The following PLSCR5 variants were observed in gnomAD, a reference collection of about 807,000 sequenced individuals.
PLSCR5 encodes phospholipid scramblase family, member 5.
Under a neutral mutation model 33.6 loss-of-function variants are expected in PLSCR5, and 44 were observed. The observed-to-expected ratio is 1.31, with a 90% CI of 1.03 to 1.69. PLSCR5 has a LOEUF of 1.69. Ranked by LOEUF, PLSCR5 falls within the 40% of genes most tolerant of loss-of-function variation. PLSCR5 has a pLI of 0.00. For missense variants in PLSCR5, 375 were observed against 318.7 expected (o/e 1.18, Z -1.34); for synonymous variants, 148 against 112.3 (o/e 1.32, Z -2.01).
At chr3:146,603,906 CTA>C (rs1262301609) in intron 1 of PLSCR5, among the ~76,000 whole-genome samples, 5 of 152,006 alleles carry the variant, frequency 3.3e-5, no homozygotes, top group Admixed American at 3.3e-4. Flanking sequence ...TATTTCACAT[CTA>C]TGTTTTACAA....
intron 3 of PLSCR5, among the ~76,000 whole-genome samples, chr3:146,594,378 T>G (rs2044741470): frequency 1.3e-5 from 2 of 152,116 alleles, no homozygotes; most frequent in Non-Finnish European, 2.9e-5. Flanking sequence ...ATATATGACC[T>G]ACTTGAGAAC....
intron 6 of PLSCR5, among the ~76,000 whole-genome samples, chr3:146,589,267 A>G (rs988775144): frequency 6.6e-5 from 10 of 152,200 alleles, no homozygotes; most frequent in African/African-American, 2.4e-4. Context: ...GCTCACTATT[A>G]TGCAATGAAC....
At chr3:146,600,720 A>G (rs2044806178) in intron 1 of PLSCR5, among the ~76,000 whole-genome samples, 1 of 151,314 alleles carries the variant, frequency 6.6e-6, no homozygotes, top group Non-Finnish European at 1.5e-5. Context: ...TTAGAAAAAA[A>G]TATGCATATG....
chr3:146,593,937 G>A lies in PLSCR5; in HGVS notation c.436C>T (p.Pro146Ser). 2 of 1,613,506 alleles carry A rather than the reference G, an allele frequency of 1.2e-6. No individual in the cohort carries two copies. Among genetic ancestry groups the A allele is most frequent in the Non-Finnish European group, 1.7e-6 (2 of 1,179,606 alleles). Residue 146 changes from proline (P) to serine (S), a missense_variant, in exon 4 of 8, where the codon CCT becomes TCT. Transcript: ENST00000443512. ...RPLRCNSCWC[P>S]CYLQELEIQA... ...TAACTAACCTCTTGTAGGTAGCAAG[G>A]GCACCAGCAGCTGTTACATCTCAAG...
rs942065853 is a variant in PLSCR5, at chr3:146,589,098, A to T, written c.777+555T>A. Among the ~76,000 whole-genome samples, 7 of 152,198 alleles carry T rather than the reference A, an allele frequency of 4.6e-5. 1 individual carries two copies. Among genetic ancestry groups the T allele is most frequent in the African/African-American group, 1.7e-4 (7 of 41,438 alleles). On this transcript the variant is annotated intron_variant, in intron 6 of 7. Transcript: ENST00000443512. ...CTGTTCTTCTATCACCAATCTCCAT[A>T]TACCAAAGAAGAAAAGGTTTTCAAT...
chr3:146,599,852 T>G (rs1325228471), intron 2 of PLSCR5, among the ~76,000 whole-genome samples: 1 of 151,960 alleles, frequency 6.6e-6, no homozygotes, highest in Non-Finnish European at 1.5e-5. Context: ...ATAATTTTTA[T>G]AGAGACAGGG....
chr3:146,600,229 A>T, intron 2 of PLSCR5, 59 bp downstream of exon 2: 2 of 1,214,388 alleles, frequency 1.6e-6, no homozygotes, highest in Non-Finnish European at 2.1e-6. Context: ...AGCCAGAAAG[A>T]AAGTTTGTAT....
At position 146,591,745 on chromosome 3, in the gene PLSCR5, C is replaced by T. The variant is rs749170196; in HGVS notation, c.590G>A (p.Gly197Asp). The T allele has an allele frequency of 1.9e-6, 3 of 1,611,148 alleles. No homozygotes were observed. The highest frequency in any genetic ancestry group is 1.7e-4 in the Middle Eastern group (1 of 6,050). Residue 197 changes from glycine (G) to aspartate (D), a missense_variant, in exon 5 of 8, where the codon GGC (glycine) becomes GAC (aspartate). Coordinates refer to ENST00000443512, the MANE Select transcript of PLSCR5 (RefSeq NM_001085420.2). The stretch of plus-strand genomic sequence containing the variant: ...CTCAAAATCCACATCGCCAAAACAG[C>T]CACATGTCACACAAGGACCAACAAT... ...LKIVGPCVTCGCFGDVDFEVK... is the reference protein window; with the variant it reads ...LKIVGPCVTCDCFGDVDFEVK...
rs371254865 is a variant in PLSCR5 at position 146,596,646 on chromosome 3, T to G, written c.190-1563A>C. 2.9e-4 allele frequency among the ~76,000 whole-genome samples: 44 copies of G among 152,316 alleles called. 1 individual carries two copies. In the South Asian group the frequency reaches 8.9e-3, roughly 31 times the overall value. Reference sequence around the variant, plus strand: ...TCACCATATTCTCCCTTCGCATTAATAAACTCACCAGTAACTATTAAACTA... The same window carrying G: ...TCACCATATTCTCCCTTCGCATTAAGAAACTCACCAGTAACTATTAAACTA... On this transcript the variant is annotated intron_variant, in intron 2 of 7. Coordinates refer to ENST00000443512, the MANE Select transcript of PLSCR5 (RefSeq NM_001085420.2).
chr3:146,601,495 G>A (rs1045323621), intron 1 of PLSCR5, among the ~76,000 whole-genome samples: 1 of 152,016 alleles, frequency 6.6e-6, no homozygotes, highest in African/African-American at 2.4e-5. Flanking sequence ...GTGAAGCAAG[G>A]TTTGTGACAG....
chr3:146,595,066 T>C lies in PLSCR5; in HGVS notation c.207A>G (p.Ile69Met), dbSNP rs370621966. The part of the protein sequence containing the change: ...EYLSQLDLII[I>M]HQQVELLGMI... ...TTCCAAGCAGCTCCACCTGCTGGTG[T>C]ATAATTATCAGGTCTAACTGTAAAG... is the stretch of plus-strand genomic sequence containing the variant. The change falls in exon 3 of 8, where the codon ATA (isoleucine) becomes ATG (methionine). Residue 69 changes from isoleucine to methionine, a missense_variant. Transcript: ENST00000443512. 4 of 1,433,770 alleles carry C rather than the reference T, an allele frequency of 2.8e-6. No homozygotes were observed. Among genetic ancestry groups the C allele is most frequent in the Non-Finnish European group, 3.7e-6 (4 of 1,078,658 alleles). The allele number at this position is 1,433,770 out of a possible 1,614,324, so 88.8% of individuals were successfully genotyped here. A position where few individuals can be genotyped will look rare whatever the true frequency, so the allele number is the denominator to read the frequency against.
chr3:146,592,894 C>A (rs2044727495), intron 4 of PLSCR5, among the ~76,000 whole-genome samples: 2 of 152,078 alleles, frequency 1.3e-5, no homozygotes, highest in South Asian at 4.1e-4. Context: ...TCTCTTGGGG[C>A]ATATTAATAT....
At chr3:146,590,775 A>G (rs974828277) in intron 5 of PLSCR5, among the ~76,000 whole-genome samples, 12 of 152,070 alleles carry the variant, frequency 7.9e-5, no homozygotes, top group Non-Finnish European at 7.4e-5. Context: ...TTCTACGTGC[A>G]TAGTGTTTCC....
At chr3:146,598,892 A>C (rs2044785909) in intron 2 of PLSCR5, among the ~76,000 whole-genome samples, 2 of 152,244 alleles carry the variant, frequency 1.3e-5, no homozygotes, top group African/African-American at 4.8e-5. Context: ...AGACATCTGC[A>C]ATTATAAACA....
intron 2 of PLSCR5, among the ~76,000 whole-genome samples, chr3:146,599,953 C>T (rs192883544): frequency 2.0e-5 from 3 of 152,094 alleles, no homozygotes; most frequent in Non-Finnish European, 4.4e-5. Flanking sequence ...CGTGAGCCAC[C>T]GTGCCTGGCA....
Position 146,585,899 on chromosome 3 carries a change from A to T in PLSCR5, c.*88T>A. The T allele has an allele frequency of 5.4e-6, 3 of 560,700 alleles. No homozygotes were observed. The highest frequency in any genetic ancestry group is 8.4e-6 in the Non-Finnish European group (3 of 356,634). The allele number at this position is 560,700 out of a possible 1,614,324, so 34.7% of individuals were successfully genotyped here. A position where few individuals can be genotyped will look rare whatever the true frequency, so the allele number is the denominator to read the frequency against. Reference sequence around the variant, plus strand: ...ACATTTTTTTTTAACAAAAAAGCAAACATTCAAACCATTCAGAAATGAAAT... The same window carrying T: ...ACATTTTTTTTTAACAAAAAAGCAATCATTCAAACCATTCAGAAATGAAAT... On this transcript the variant is annotated 3_prime_UTR_variant, in exon 8 of 8. Transcript: ENST00000443512.
At chr3:146,588,181 C>T (rs1378548655) in intron 6 of PLSCR5, among the ~76,000 whole-genome samples, 1 of 151,998 alleles carries the variant, frequency 6.6e-6, no homozygotes, top group African/African-American at 2.4e-5. Flanking sequence ...TTAAAAAATG[C>T]CAATGTCGGC....
intron 2 of PLSCR5, 87 bp from the exon 3 acceptor site, chr3:146,595,170 AT>A: frequency 1.6e-6 from 1 of 631,074 alleles, no homozygotes; most frequent in Non-Finnish European, 2.4e-6. Context: ...TATTTACTAT[AT>A]TACATAAAAT....
In PLSCR5 at chr3:146,594,135, G is replaced by A; in HGVS notation, c.238C>T (p.Leu80Phe). 1.2e-6 allele frequency: 2 copies of A among 1,608,368 alleles called. No homozygotes were observed. The highest frequency in any genetic ancestry group is 1.7e-6 in the Non-Finnish European group (2 of 1,176,850). ...TATTTGTTGGAGGTCTCAGTACCAA[G>A]TATCACTAATGGAACAAAAAAAAAA... The part of the protein sequence containing the change: ...HQQVELLGMI[L>F]GTETSNKYEI... Residue 80 changes from leucine (L) to phenylalanine (F), a missense_variant, in exon 4 of 8, where the codon CTT becomes TTT. Physicochemically the swap from Leu to Phe is conservative, Grantham distance 22. Coordinates refer to ENST00000443512, the MANE Select transcript of PLSCR5 (RefSeq NM_001085420.2).
Sources: allele counts gnomAD v4.1 joint callset (sites outside exome capture counted in the v4.1 genomes callset), GRCh38; gene constraint gnomAD v4.1.1; transcripts MANE v1.5; gene names NCBI Gene and HGNC (gene_info 2026-07-23, HGNC 2026-07-21).